EEF2K: variants seen among roughly 807,000 people sequenced by gnomAD.
The protein encoded by EEF2K is eukaryotic elongation factor 2 kinase, also known as alternative protein EEF2K.
Under a neutral mutation model 93.8 loss-of-function variants are expected in EEF2K, and 70 were observed. That is an observed-to-expected ratio of 0.75 (90% CI 0.62 to 0.91). The LOEUF is 0.91. EEF2K is among the 40% of genes least tolerant of loss of function. The pLI is 0.00. For synonymous variants in EEF2K, 376 were observed against 380.8 expected (o/e 0.99, Z 0.15); for missense variants, 935 against 972.9 (o/e 0.96, Z 0.52).
At chr16:22,265,164 A>C (rs2047505168) in intron 13 of EEF2K, 2 of 325,398 alleles carry the variant, frequency 6.1e-6, no homozygotes, top group Non-Finnish European at 5.8e-6. Context: ...CCATGAAGGC[A>C]CTTCGCAGTA....
chr16:22,254,463 T>A (rs2047380663), intron 6 of EEF2K, among the ~76,000 whole-genome samples: 1 of 152,172 alleles, frequency 6.6e-6, no homozygotes, highest in Non-Finnish European at 1.5e-5. Flanking sequence ...TCTCCATGGA[T>A]GGTCGTTTCC....
Position 22,266,374 on chromosome 16 carries a change from G to T in EEF2K, c.1441-16G>T. ...CCCCCAGCCCCTCGCTTCCCTGGCC[G>T]GTTCTTTCCCTTCAGGTATGTGTAG... On this transcript the variant is annotated splice_polypyrimidine_tract_variant and intron_variant, in intron 13 of 17. Coordinates refer to ENST00000263026, the MANE Select transcript of EEF2K (RefSeq NM_013302.5). 1 of 1,609,304 alleles carries T rather than the reference G, an allele frequency of 6.2e-7. No individual in the cohort carries two copies. Among genetic ancestry groups the T allele is most frequent in the Non-Finnish European group, 8.5e-7 (1 of 1,177,680 alleles).
At chr16:22,265,989 G>A (rs775575588) in intron 13 of EEF2K, among the ~76,000 whole-genome samples, 2 of 152,114 alleles carry the variant, frequency 1.3e-5, no homozygotes, top group African/African-American at 2.4e-5. Flanking sequence ...ATGGGGAAGC[G>A]CTTCCTTGAG....
chr16:22,264,794 A>G (rs1405267952), intron 12 of EEF2K, 24 bp from the exon 13 acceptor site: 3 of 1,613,102 alleles, frequency 1.9e-6, no homozygotes, highest in Middle Eastern at 1.7e-4. Context: ...GCTTTGGATC[A>G]GTGTAATTTC....
intron 10 of EEF2K, 123 bp from the exon 11 acceptor site, chr16:22,260,339 T>A: frequency 1.1e-6 from 1 of 909,298 alleles, no homozygotes. Context: ...TTTGTGCCTT[T>A]CTTTAAAGCT....
chr16:22,284,040 A>G lies in EEF2K; in HGVS notation c.*44A>G, dbSNP rs1269521518. 1 of 1,487,274 alleles carries G rather than the reference A, an allele frequency of 6.7e-7. No individual in the cohort carries two copies. The highest frequency in any genetic ancestry group is 9.1e-7 in the Non-Finnish European group (1 of 1,096,460). 92.1% of individuals were successfully genotyped at this position (1,487,274 alleles called of 1,614,324 possible). On this transcript the variant is annotated 3_prime_UTR_variant, in exon 18 of 18. Transcript: ENST00000263026. ...GCTAGTCCCAAGCAAACGGGCTAGG[A>G]GGAAAGATTAAAAAAACAACAACAA...
intron 15 of EEF2K, among the ~76,000 whole-genome samples, chr16:22,270,345 G>A (rs1451181302): frequency 1.3e-5 from 2 of 151,564 alleles, no homozygotes; most frequent in African/African-American, 2.4e-5. Flanking sequence ...GGCTGGTCTC[G>A]AACTCCTGAC....
intron 1 of EEF2K, among the ~76,000 whole-genome samples, chr16:22,224,467 C>CA (rs1443587550): frequency 2.0e-5 from 3 of 151,298 alleles, no homozygotes; most frequent in Non-Finnish European, 4.4e-5. Context: ...CCTGTTTTTA[C>CA]AAAAAACAAA....
At chr16:22,234,415 G>A (rs2047145790) in intron 2 of EEF2K, among the ~76,000 whole-genome samples, 1 of 152,046 alleles carries the variant, frequency 6.6e-6, no homozygotes, top group African/African-American at 2.4e-5. Flanking sequence ...AAATTATCTG[G>A]GCGTGGTGGT....
chr16:22,272,775 C>T (rs2141684492), intron 15 of EEF2K, among the ~76,000 whole-genome samples: 1 of 152,040 alleles, frequency 6.6e-6, no homozygotes, highest in East Asian at 1.9e-4. Context: ...AATTCTTGTG[C>T]CTCAGCCTCC....
At chr16:22,254,032 G>A (rs1320092326) in intron 6 of EEF2K, among the ~76,000 whole-genome samples, 2 of 152,174 alleles carry the variant, frequency 1.3e-5, no homozygotes, top group Non-Finnish European at 2.9e-5. Context: ...ACGAGAGGCG[G>A]AGGCTGCAGT....
intron 17 of EEF2K, among the ~76,000 whole-genome samples, chr16:22,281,668 T>C (rs1355384531): frequency 6.6e-6 from 1 of 152,226 alleles, no homozygotes; most frequent in African/African-American, 2.4e-5. Context: ...GCAGCCACTA[T>C]ACTTTTTGTC....
intron 2 of EEF2K, among the ~76,000 whole-genome samples, chr16:22,244,164 G>A (rs1239694305): frequency 6.6e-6 from 1 of 151,806 alleles, no homozygotes; most frequent in Non-Finnish European, 1.5e-5. Context: ...GGGAGGTGGA[G>A]GTTGCAGCGA....
chr16:22,225,922 A>G lies in EEF2K; in HGVS notation c.193A>G (p.Lys65Glu). Reference sequence around the variant, plus strand: ...TAATAAGTACTACAGCAACCTAACAAAAAGTGAGCGGTATAGCTCCAGCGG... The same window carrying G: ...TAATAAGTACTACAGCAACCTAACAGAAAGTGAGCGGTATAGCTCCAGCGG... ...KVNKYYSNLT[K>E]SERYSSSGSP... is the part of the protein sequence containing the mutation. Residue 65 changes from lysine (K) to glutamate (E), a missense_variant, in exon 2 of 18, where the codon AAA becomes GAA. Coordinates refer to ENST00000263026, the MANE Select transcript of EEF2K (RefSeq NM_013302.5). The G allele has an allele frequency of 6.2e-7, 1 of 1,614,158 alleles. No individual in the cohort carries two copies. The highest frequency in any genetic ancestry group is 8.5e-7 in the Non-Finnish European group (1 of 1,180,028).
At chr16:22,256,972 A>G in intron 7 of EEF2K, 75 bp downstream of exon 7, 1 of 1,585,598 alleles carries the variant, frequency 6.3e-7, no homozygotes, top group Non-Finnish European at 8.6e-7. Flanking sequence ...TCAGCCCCTA[A>G]AGAGGAAGGT....
In EEF2K at chr16:22,250,659, C is replaced by T. The variant is rs55742485; in HGVS notation, c.414C>T (p.Phe138=). ...CTCTGTGTGGTGTCTTTCAGCCCTT[C>T]GGCCGAGGAGCAATGAGGGAGTGCT... ...EVLIKMASQP[F]GRGAMRECFR... is the part of the protein sequence containing the mutation. The change falls in exon 5 of 18, where the codon TTC becomes TTT. Residue 138 remains phenylalanine, a synonymous_variant. Transcript: ENST00000263026. 8.2e-5 allele frequency: 132 copies of T among 1,614,216 alleles called. 1 individual carries two copies. Among genetic ancestry groups the T allele is most frequent in the East Asian group, 7.1e-4 (32 of 44,892 alleles).
intron 6 of EEF2K, among the ~76,000 whole-genome samples, chr16:22,254,576 C>T (rs1274016846): frequency 6.6e-6 from 1 of 152,130 alleles, no homozygotes; most frequent in Non-Finnish European, 1.5e-5. Context: ...AAGCTAGAGT[C>T]CCTAATCTCC....
chr16:22,234,721 G>T (rs773793885), intron 2 of EEF2K, among the ~76,000 whole-genome samples: 6 of 151,630 alleles, frequency 4.0e-5, no homozygotes, highest in Admixed American at 6.6e-5. Flanking sequence ...TAGCCATCAC[G>T]CTCTAATATA....
chr16:22,232,534 G>T (rs2047126416), intron 2 of EEF2K, among the ~76,000 whole-genome samples: 1 of 152,164 alleles, frequency 6.6e-6, no homozygotes, highest in Non-Finnish European at 1.5e-5. Flanking sequence ...CTGGCCCAGA[G>T]CCCAGATTGA....
Sources: gnomAD v4.1 joint callset for allele counts (sites outside exome capture counted in the v4.1 genomes callset) on GRCh38, gnomAD v4.1.1 for gene constraint, MANE v1.5 for transcripts, NCBI Gene and HGNC (gene_info 2026-07-23, HGNC 2026-07-21) for gene names.